SLC30A8: variants seen among roughly 807,000 people sequenced by gnomAD.
The protein encoded by SLC30A8 is proton-coupled zinc antiporter SLC30A8.
Under a neutral mutation model 36.9 loss-of-function variants are expected in SLC30A8, and 27 were observed. That is an observed-to-expected ratio of 0.73 (90% confidence interval 0.54 to 1.01). The LOEUF is 1.01. Among genes scored for constraint, SLC30A8 ranks in the 50% least tolerant of loss-of-function variants. The pLI, the probability that SLC30A8 is intolerant of heterozygous loss-of-function variation, is 0.00. For missense variants in SLC30A8, 439 were observed against 452.0 expected (o/e 0.97, Z 0.26); for synonymous variants, 164 against 172.4 (o/e 0.95, Z 0.38).
In SLC30A8 at chr8:117,018,942, C is replaced by T. The variant is rs936142257; in HGVS notation, c.-265-20277C>T. 5.9e-5 allele frequency among the ~76,000 whole-genome samples: 9 copies of T among 152,248 alleles called. No individual in the cohort carries two copies. The East Asian group carries it at 1.4e-3, about 23-fold the overall frequency. On this transcript the variant is annotated intron_variant, in intron 1 of 10. Transcript: ENST00000427715. Reference sequence around the variant, plus strand: ...CCTCCCAAAGTGTTGGGATTACAGGCGTGAGCCACTGCGCCCAGCCCACCT... The same window carrying T: ...CCTCCCAAAGTGTTGGGATTACAGGTGTGAGCCACTGCGCCCAGCCCACCT...
chr8:117,065,051 C>A (rs1186526164), intron 2 of SLC30A8, among the ~76,000 whole-genome samples: 1 of 152,116 alleles, frequency 6.6e-6, no homozygotes, highest in Non-Finnish European at 1.5e-5. Context: ...CTGTGTTAAT[C>A]ATGTTTTATG....
chr8:116,976,798 T>TTTTCTTTCTCTC (rs1815032168), intron 1 of SLC30A8, among the ~76,000 whole-genome samples: 1 of 125,524 alleles, frequency 8.0e-6, no homozygotes, highest in African/African-American at 3.3e-5. Flanking sequence ...CCCCTTTTAT[T>TTTTCTTTCTCTC]TTTCTTTCTT....
At chr8:117,020,741 G>T (rs1369371789) in intron 1 of SLC30A8, among the ~76,000 whole-genome samples, 1 of 152,084 alleles carries the variant, frequency 6.6e-6, no homozygotes, top group African/African-American at 2.4e-5. Flanking sequence ...TATTGGTATT[G>T]TATTGTAAGA....
At chr8:116,978,680 A>G (rs1815142873) in intron 1 of SLC30A8, among the ~76,000 whole-genome samples, 1 of 152,214 alleles carries the variant, frequency 6.6e-6, no homozygotes, top group Admixed American at 6.5e-5. Flanking sequence ...TTTACTACAA[A>G]TATGTCTTAA....
At chr8:117,156,243 G>A (rs529299430) in intron 3 of SLC30A8, among the ~76,000 whole-genome samples, 4 of 152,082 alleles carry the variant, frequency 2.6e-5, no homozygotes, top group South Asian at 2.1e-4. Flanking sequence ...GGGTTTCACC[G>A]TGTTGGCCAG....
chr8:116,986,838 G>A (rs1365936475), intron 1 of SLC30A8, among the ~76,000 whole-genome samples: 1 of 152,088 alleles, frequency 6.6e-6, no homozygotes, highest in Non-Finnish European at 1.5e-5. Flanking sequence ...AGCTGGTTAT[G>A]ATAGAGAAAA....
intron 1 of SLC30A8, among the ~76,000 whole-genome samples, chr8:117,025,307 T>C (rs1230541310): frequency 6.7e-6 from 1 of 148,462 alleles, no homozygotes; most frequent in African/African-American, 2.5e-5. Context: ...TAAAATCAGT[T>C]TTTTTAAATG....
chr8:117,143,638 G>T (rs754314901), intron 1 of SLC30A8, among the ~76,000 whole-genome samples: 1 of 149,186 alleles, frequency 6.7e-6, no homozygotes, highest in Non-Finnish European at 1.5e-5. Flanking sequence ...GCCAAGTGAA[G>T]ACTGTGTACT....
At chr8:117,047,677 G>A (rs990682675) in intron 2 of SLC30A8, among the ~76,000 whole-genome samples, 4 of 152,086 alleles carry the variant, frequency 2.6e-5, no homozygotes, top group Non-Finnish European at 5.9e-5. Context: ...CGTCAGAGGC[G>A]TTTGAACCAG....
intron 2 of SLC30A8, among the ~76,000 whole-genome samples, chr8:117,048,069 C>G (rs924739134): frequency 6.6e-6 from 1 of 152,234 alleles, no homozygotes; most frequent in Non-Finnish European, 1.5e-5. Flanking sequence ...GCTGCTCTGT[C>G]TATGGAGTAG....
At position 117,140,263 on chromosome 8, in the gene SLC30A8, A is replaced by G. The variant is rs73317620; in HGVS notation, c.71+4865A>G. 2.2e-3 allele frequency among the ~76,000 whole-genome samples: 336 copies of G among 152,192 alleles called. 1 individual carries two copies. The highest frequency in any genetic ancestry group is 7.6e-3 in the African/African-American group (316 of 41,562). On this transcript the variant is annotated intron_variant, in intron 1 of 7. Coordinates refer to ENST00000456015, the MANE Select transcript of SLC30A8 (RefSeq NM_173851.3). ...ACAGAGCCTCAGAGAAATGTGGTAC[A>G]TTGTTAAATGCATTAACATATTCAT...
At chr8:117,111,052 C>G (rs917347653) in intron 2 of SLC30A8, among the ~76,000 whole-genome samples, 2 of 152,096 alleles carry the variant, frequency 1.3e-5, no homozygotes, top group African/African-American at 2.4e-5. Context: ...GTCACATTCT[C>G]TTAGGAAAGC....
chr8:117,073,170 C>T (rs1818382297), intron 2 of SLC30A8, among the ~76,000 whole-genome samples: 1 of 151,894 alleles, frequency 6.6e-6, no homozygotes, highest in South Asian at 2.1e-4. Context: ...ATTCTACATG[C>T]TTGAGTGCAC....
chr8:117,165,282 C>G (rs1823001936), intron 6 of SLC30A8, among the ~76,000 whole-genome samples: 1 of 152,118 alleles, frequency 6.6e-6, no homozygotes, highest in Admixed American at 6.5e-5. Context: ...GTCTAGAACA[C>G]AGTAGGAGCT....
intron 1 of SLC30A8, among the ~76,000 whole-genome samples, chr8:117,022,260 T>G (rs1471230594): frequency 6.6e-6 from 1 of 151,530 alleles, no homozygotes; most frequent in Non-Finnish European, 1.5e-5. Context: ...GATCTTGAGA[T>G]GGATAAAATT....
At chr8:116,964,750 C>T (rs1244730504) in intron 1 of SLC30A8, among the ~76,000 whole-genome samples, 1 of 152,210 alleles carries the variant, frequency 6.6e-6, no homozygotes, top group South Asian at 2.1e-4. Flanking sequence ...TGAGGTTACT[C>T]ATCATCTCTT....
intron 2 of SLC30A8, among the ~76,000 whole-genome samples, chr8:117,068,079 C>G (rs1818221558): frequency 1.3e-5 from 2 of 152,142 alleles, no homozygotes; most frequent in South Asian, 4.1e-4. Flanking sequence ...TAATGAAAAT[C>G]AATCTTTTTG....
At chr8:116,951,385 C>T (rs1472926120) in intron 1 of SLC30A8, among the ~76,000 whole-genome samples, 4 of 152,116 alleles carry the variant, frequency 2.6e-5, no homozygotes, top group South Asian at 2.1e-4. Flanking sequence ...TAGAAAAATA[C>T]TGAAATTAAC....
intron 2 of SLC30A8, among the ~76,000 whole-genome samples, chr8:117,049,465 T>C (rs528112709): frequency 1.3e-5 from 2 of 152,344 alleles, no homozygotes; most frequent in South Asian, 2.1e-4. Flanking sequence ...TAGTCAAGCC[T>C]TTAAAAGTCT....
Sources: gnomAD v4.1 joint callset for allele counts (sites outside exome capture counted in the v4.1 genomes callset) on GRCh38, gnomAD v4.1.1 for gene constraint, MANE v1.5 for transcripts, NCBI Gene and HGNC (gene_info 2026-07-23, HGNC 2026-07-21) for gene names.